NALF1: variants seen among roughly 807,000 people sequenced by gnomAD.
NALF1 encodes NALCN channel auxiliary factor 1, also known as family with sequence similarity 155 member A.
Under a neutral mutation model 48.4 loss-of-function variants are expected in NALF1, and 3 were observed. That is an observed-to-expected ratio of 0.06 (90% CI 0.03 to 0.16). The LOEUF (loss-of-function observed/expected upper bound fraction) is 0.16. NALF1 is among the 10% of genes least tolerant of loss of function. The probability of loss-of-function intolerance (pLI) is 1.00; values close to 1 mark genes in which losing one functional copy is unlikely to be tolerated. For synonymous variants in NALF1, 262 were observed against 245.7 expected (o/e 1.07, Z -0.62); for missense variants, 526 against 571.5 (o/e 0.92, Z 0.81).
intron 1 of NALF1, among the ~76,000 whole-genome samples, chr13:107,817,976 C>A (rs534135936): frequency 6.6e-6 from 1 of 152,202 alleles, no homozygotes; most frequent in African/African-American, 2.4e-5. Context: ...AGGAATAAGG[C>A]AAGCTCTTTG....
At chr13:107,757,918 T>TTTG (rs1877158012) in intron 1 of NALF1, among the ~76,000 whole-genome samples, 4 of 152,220 alleles carry the variant, frequency 2.6e-5, no homozygotes, top group Admixed American at 1.3e-4. Flanking sequence ...AAATTATCAA[T>TTTG]AAGCTTTTAT....
intron 1 of NALF1, among the ~76,000 whole-genome samples, chr13:107,324,398 T>G (rs1882310271): frequency 6.6e-6 from 1 of 152,192 alleles, no homozygotes; most frequent in South Asian, 2.1e-4. Flanking sequence ...TCAATTTGCA[T>G]TTCTGAGATC....
chr13:107,588,507 G>A (rs1266673377), intron 1 of NALF1, among the ~76,000 whole-genome samples: 1 of 152,066 alleles, frequency 6.6e-6, no homozygotes, highest in African/African-American at 2.4e-5. Context: ...GAGGGTTTGG[G>A]CATACGTGAA....
Position 107,650,162 on chromosome 13 carries a change from T to C in NALF1, c.915+215520A>G, listed in dbSNP as rs569150160. ...ATATCCTACACTGTCATTAATGATA[T>C]AGTTTCGATTTATCTGATAAGGTAA... On this transcript the variant is annotated intron_variant, in intron 1 of 2. Transcript: ENST00000375915. 8.5e-5 allele frequency among the ~76,000 whole-genome samples: 13 copies of C among 152,160 alleles called. No individual in the cohort carries two copies. The East Asian group carries it at 2.3e-3, about 27-fold the overall frequency.
intron 1 of NALF1, among the ~76,000 whole-genome samples, chr13:107,685,365 A>T (rs1012823192): frequency 3.3e-5 from 5 of 152,052 alleles, no homozygotes; most frequent in Non-Finnish European, 5.9e-5. Context: ...AAGGATACAA[A>T]CTCCCACTTT....
chr13:107,427,453 TC>T (rs796530151), intron 1 of NALF1, among the ~76,000 whole-genome samples: 1 of 149,646 alleles, frequency 6.7e-6, no homozygotes, highest in Non-Finnish European at 1.5e-5. Context: ...AATTTTATTT[TC>T]ATTTTATTTT....
rs533370280 is a variant in NALF1 at position 107,828,873 on chromosome 13, G to C, written c.915+36809C>G. ...AAAAACATGGTTTCAGATCAGCTTG[G>C]GGGGACAGTACCAATTTCACCATTT... is the stretch of plus-strand genomic sequence containing the variant. On this transcript the variant is annotated intron_variant, in intron 1 of 2. Coordinates refer to ENST00000375915, the MANE Select transcript of NALF1 (RefSeq NM_001080396.3). Among the ~76,000 whole-genome samples the C allele has an allele frequency of 4.6e-5, 7 of 152,048 alleles. No individual in the cohort carries two copies. In the East Asian group the frequency reaches 1.2e-3, roughly 25 times the overall value.
intron 1 of NALF1, among the ~76,000 whole-genome samples, chr13:107,716,292 C>T (rs933269770): frequency 3.3e-5 from 5 of 152,150 alleles, no homozygotes. Context: ...AGCAGTGCTC[C>T]CTGATTTCAG....
At chr13:107,792,387 G>A (rs936271739) in intron 1 of NALF1, among the ~76,000 whole-genome samples, 10 of 152,088 alleles carry the variant, frequency 6.6e-5, no homozygotes, top group East Asian at 3.9e-4. Flanking sequence ...TGAAAGTGTC[G>A]CGGTGTCACT....
intron 1 of NALF1, among the ~76,000 whole-genome samples, chr13:107,376,758 A>G (rs543966068): frequency 1.1e-4 from 16 of 152,328 alleles, no homozygotes; most frequent in African/African-American, 3.6e-4. Flanking sequence ...GCTGTAACCC[A>G]CACATATCCT....
At chr13:107,432,719 C>G (rs1459013318) in intron 1 of NALF1, among the ~76,000 whole-genome samples, 1 of 152,146 alleles carries the variant, frequency 6.6e-6, no homozygotes, top group Non-Finnish European at 1.5e-5. Flanking sequence ...TTCAATTTCC[C>G]TGGGGGTCTC....
chr13:107,804,099 AG>A (rs1005261624), intron 1 of NALF1, among the ~76,000 whole-genome samples: 1 of 152,152 alleles, frequency 6.6e-6, no homozygotes, highest in African/African-American at 2.4e-5. Flanking sequence ...TTTCCTAAAC[AG>A]GAACATAAGC....
At chr13:107,818,017 G>A (rs1879222004) in intron 1 of NALF1, among the ~76,000 whole-genome samples, 1 of 152,216 alleles carries the variant, frequency 6.6e-6, no homozygotes, top group Non-Finnish European at 1.5e-5. Flanking sequence ...GGTAGAAACA[G>A]ACATGAAATA....
At chr13:107,696,931 T>C (rs1239928993) in intron 1 of NALF1, among the ~76,000 whole-genome samples, 1 of 152,198 alleles carries the variant, frequency 6.6e-6, no homozygotes, top group Non-Finnish European at 1.5e-5. Flanking sequence ...TTAGAATGTT[T>C]TATTATTAGA....
At chr13:107,723,356 T>G (rs889959156) in intron 1 of NALF1, among the ~76,000 whole-genome samples, 1 of 152,196 alleles carries the variant, frequency 6.6e-6, no homozygotes, top group African/African-American at 2.4e-5. Context: ...GCTCAAAGAT[T>G]GACTACCCTG....
intron 1 of NALF1, among the ~76,000 whole-genome samples, chr13:107,800,232 C>A (rs1048454261): frequency 6.6e-6 from 1 of 152,128 alleles, no homozygotes; most frequent in African/African-American, 2.4e-5. Flanking sequence ...CTTTGCCTGG[C>A]TGTCGTGAAC....
chr13:107,659,193 C>T (rs1274671308), intron 1 of NALF1, among the ~76,000 whole-genome samples: 3 of 151,750 alleles, frequency 2.0e-5, no homozygotes, highest in Non-Finnish European at 4.4e-5. Context: ...TTTAAGAATC[C>T]ACTGAAGTGT....
At chr13:107,495,418 G>T (rs935938604) in intron 1 of NALF1, among the ~76,000 whole-genome samples, 1 of 152,104 alleles carries the variant, frequency 6.6e-6, no homozygotes, top group African/African-American at 2.4e-5. Context: ...GTTGATTTTT[G>T]ATATCTTGTC....
intron 2 of NALF1, among the ~76,000 whole-genome samples, chr13:107,184,855 G>C (rs951869028): frequency 1.3e-5 from 2 of 152,084 alleles, no homozygotes; most frequent in Non-Finnish European, 2.9e-5. Context: ...GTTACACTGA[G>C]TCTCCAAAAC....
Sources: allele counts gnomAD v4.1 joint callset (sites outside exome capture counted in the v4.1 genomes callset), GRCh38; gene constraint gnomAD v4.1.1; transcripts MANE v1.5; gene names NCBI Gene and HGNC (gene_info 2026-07-23, HGNC 2026-07-21).